PEX14: variants seen among roughly 807,000 people sequenced by gnomAD.
PEX14 encodes peroxisomal biogenesis factor 14.
In PEX14, 15 loss-of-function variants were observed where a neutral mutation model predicts 49.5. The observed-to-expected ratio is 0.30, with a 90% CI of 0.20 to 0.47. PEX14 has a LOEUF of 0.47. PEX14 is among the 20% of genes least tolerant of loss of function. The pLI, the probability that PEX14 is intolerant of heterozygous loss-of-function variation, is 1.00. For synonymous variants in PEX14, 210 were observed against 212.7 expected, an observed-to-expected ratio of 0.99 and a Z score of 0.11; for missense variants, 398 against 494.8, an observed-to-expected ratio of 0.80 and a Z score of 1.86.
chr1:10,496,106 C>T (rs775388195), intron 2 of PEX14, among the ~76,000 whole-genome samples: 21 of 152,224 alleles, frequency 1.4e-4, no homozygotes, highest in Non-Finnish European at 2.8e-4. Flanking sequence ...GCTTCACTCC[C>T]CTTCTGGCAG....
chr1:10,627,417 G>A lies in PEX14; in HGVS notation c.677+54G>A, dbSNP rs995643645. 3.8e-5 allele frequency: 48 copies of A among 1,247,102 alleles called. No homozygotes were observed. The African/African-American group carries it at 5.3e-4, about 14-fold the overall frequency. 77.3% of individuals were successfully genotyped at this position (1,247,102 alleles called of 1,614,324 possible). ...TGGTCGGGCCTGGAAAGGAGGACTG[G>A]GAGCTCTGGGGCATGGGAGGGGCAT... On this transcript the variant is annotated intron_variant, in intron 8 of 8. Transcript: ENST00000356607.
At chr1:10,500,973 G>A (rs775428595) in intron 2 of PEX14, among the ~76,000 whole-genome samples, 93 of 152,298 alleles carry the variant, frequency 6.1e-4, no homozygotes, top group Non-Finnish European at 1.0e-3. Context: ...TAACATTTAA[G>A]CATTTTGTGG....
At chr1:10,526,817 A>G (rs1638497738) in intron 2 of PEX14, among the ~76,000 whole-genome samples, 1 of 152,124 alleles carries the variant, frequency 6.6e-6, no homozygotes, top group Non-Finnish European at 1.5e-5. Context: ...TTGGATTTTC[A>G]GATTAGGGAT....
rs144286396 is a variant in PEX14, at chr1:10,594,115, C to G, written c.170-5123C>G. ...AAATAGGGGTCTCCAGGTCATCCTA[C>G]GACTTTTAGAGGCTCTGAGAGTCCT... On this transcript the variant is annotated intron_variant, in intron 3 of 8. Coordinates refer to ENST00000356607, the MANE Select transcript of PEX14 (RefSeq NM_004565.3). Among the ~76,000 whole-genome samples, 810 of 152,236 alleles carry G rather than the reference C, an allele frequency of 5.3e-3. 12 individuals carry two copies. Among genetic ancestry groups the G allele is most frequent in the African/African-American group, 0.019 (777 of 41,518 alleles).
intron 3 of PEX14, among the ~76,000 whole-genome samples, chr1:10,588,990 G>A (rs550074408): frequency 7.9e-5 from 12 of 152,276 alleles, no homozygotes; most frequent in Non-Finnish European, 1.6e-4. Flanking sequence ...TCAGGCATTC[G>A]CTGAGTGTCT....
intron 3 of PEX14, among the ~76,000 whole-genome samples, chr1:10,561,024 C>T (rs1639638782): frequency 6.6e-6 from 1 of 151,890 alleles, no homozygotes; most frequent in South Asian, 2.1e-4. Flanking sequence ...GCCCATTTTG[C>T]CACTTTTACT....
rs1641656589 is a variant in PEX14, at chr1:10,623,554, A to G, written c.487+433A>G. 6.6e-6 allele frequency among the ~76,000 whole-genome samples: 1 copy of G among 152,146 alleles called. No individual in the cohort carries two copies. Among genetic ancestry groups the G allele is most frequent in the Admixed American group, 6.5e-5 (1 of 15,280 alleles). On this transcript the variant is annotated intron_variant, in intron 6 of 8. Transcript: ENST00000356607. This position sits in a 1 kb window ranked among gnomAD's most constrained non-coding sequence, Gnocchi z 4.4. ...AGCCACCTCCCCTGTTATCGACTCA[A>G]CAGGGCTCGCGTTCATTACCCAGTG...
chr1:10,569,196 T>C (rs1254481171), intron 3 of PEX14, among the ~76,000 whole-genome samples: 1 of 152,216 alleles, frequency 6.6e-6, no homozygotes, highest in African/African-American at 2.4e-5. Context: ...TTATAATAAA[T>C]GTGAAAAGTA....
chr1:10,624,507 T>C, intron 7 of PEX14, 70 bp downstream of exon 7: 1 of 1,090,380 alleles, frequency 9.2e-7, no homozygotes. Flanking sequence ...TCTTGTCCCT[T>C]GGGCCGGGCT....
chr1:10,608,675 A>AG (rs1641189952), intron 4 of PEX14, among the ~76,000 whole-genome samples: 1 of 2,376 alleles, frequency 4.2e-4, no homozygotes, highest in Non-Finnish European at 1.5e-3. Flanking sequence ...AAAAAAAAAG[A>AG]AAAAAAAAAA....
intron 3 of PEX14, among the ~76,000 whole-genome samples, chr1:10,567,932 G>A (rs1417693084): frequency 2.6e-5 from 4 of 152,138 alleles, no homozygotes; most frequent in African/African-American, 9.7e-5. Context: ...ACCCAGCCAT[G>A]TATCTTTTTC....
intron 3 of PEX14, among the ~76,000 whole-genome samples, chr1:10,553,479 T>A (rs919605257): frequency 6.6e-6 from 1 of 152,194 alleles, no homozygotes; most frequent in African/African-American, 2.4e-5. Flanking sequence ...TTCTACAGGG[T>A]GACCGTTAAG....
chr1:10,590,558 TC>T (rs1394681843), intron 3 of PEX14, among the ~76,000 whole-genome samples: 2 of 152,000 alleles, frequency 1.3e-5, no homozygotes, highest in African/African-American at 4.8e-5. Flanking sequence ...GGGGTAGGGG[TC>T]CTAGGGAGGC....
intron 4 of PEX14, among the ~76,000 whole-genome samples, chr1:10,615,411 A>G (rs1218031973): frequency 6.6e-6 from 1 of 152,268 alleles, no homozygotes; most frequent in Non-Finnish European, 1.5e-5. Context: ...AACATGCTCA[A>G]TCCTCACTCA....
intron 3 of PEX14, among the ~76,000 whole-genome samples, chr1:10,586,555 T>G (rs1214738796): frequency 6.6e-6 from 1 of 151,866 alleles, no homozygotes; most frequent in African/African-American, 2.4e-5. Context: ...TACAACAATT[T>G]GAATGAACTG....
At chr1:10,510,966 A>C (rs1641872671) in intron 2 of PEX14, among the ~76,000 whole-genome samples, 1 of 152,198 alleles carries the variant, frequency 6.6e-6, no homozygotes, top group Non-Finnish European at 1.5e-5. Context: ...AAATCTTGAC[A>C]GTCTTTATTT....
At position 10,495,815 on chromosome 1, in the gene PEX14, A is replaced by G. The variant is rs373697876; in HGVS notation, c.84+494A>G. On this transcript the variant is annotated intron_variant, in intron 2 of 8. Coordinates refer to ENST00000356607, the MANE Select transcript of PEX14 (RefSeq NM_004565.3). This position sits in a 1 kb window ranked among gnomAD's most constrained non-coding sequence, Gnocchi z 4.2. ...TAGACTATGGATAGGGAAGAGGCCTATTAAGCACTGCAGGTAATTTTCTCT... is the reference window on the plus strand; with the variant it reads ...TAGACTATGGATAGGGAAGAGGCCTGTTAAGCACTGCAGGTAATTTTCTCT... Among the ~76,000 whole-genome samples, 53 of 152,342 alleles carry G rather than the reference A, an allele frequency of 3.5e-4. No homozygotes were observed. The highest frequency in any genetic ancestry group is 1.3e-3 in the African/African-American group (52 of 41,588).
chr1:10,500,420 T>C (rs111837410), intron 2 of PEX14, among the ~76,000 whole-genome samples: 34 of 142,216 alleles, frequency 2.4e-4, no homozygotes, highest in African/African-American at 8.3e-4. Flanking sequence ...AAAGAATAGC[T>C]ACAGCCGGTT....
intron 3 of PEX14, among the ~76,000 whole-genome samples, chr1:10,561,305 C>T (rs893722935): frequency 1.3e-5 from 2 of 152,154 alleles, no homozygotes; most frequent in South Asian, 2.1e-4. Context: ...AGGGGACAGT[C>T]GGGGCTTGTG....
Sources: allele counts gnomAD v4.1 joint callset (sites outside exome capture counted in the v4.1 genomes callset), GRCh38; gene constraint gnomAD v4.1.1; non-coding constraint Gnocchi (gnomAD v3.1); transcripts MANE v1.5; gene names NCBI Gene and HGNC (gene_info 2026-07-23, HGNC 2026-07-21).